The following EP300 variants were observed in gnomAD, a reference collection of about 807,000 sequenced individuals.
The protein encoded by EP300 is histone acetyltransferase p300.
A neutral mutation model predicts 264.0 loss-of-function variants in EP300; 31 were observed. That is an observed-to-expected ratio of 0.12 (90% CI 0.09 to 0.16). EP300 has a LOEUF of 0.16. EP300 is among the 10% of genes least tolerant of loss of function. EP300 has a pLI of 1.00. For missense variants in EP300, 2,766 were observed against 3,052.9 expected (o/e 0.91, Z 2.21); for synonymous variants, 1,340 against 1,045.4 (o/e 1.28, Z -5.44).
At chr22:41,140,960 A>G in intron 9 of EP300, 88 bp from the exon 10 acceptor site, 1 of 1,251,108 alleles carries the variant, frequency 8.0e-7, no homozygotes, top group East Asian at 2.5e-5. Context: ...AAATGAAACT[A>G]ATATCTATTC....
chr22:41,156,384 C>T (rs541468920), intron 17 of EP300, among the ~76,000 whole-genome samples: 1 of 152,096 alleles, frequency 6.6e-6, no homozygotes, highest in African/African-American at 2.4e-5. Context: ...TTTAAAGTTG[C>T]CTCCATATAC....
At position 41,179,877 on chromosome 22, in the gene EP300, CACTCACACACACACA is replaced by C. The variant is rs1308460431; in HGVS notation, c.*922_*936del. 8 of 145,794 alleles carry C rather than the reference CACTCACACACACACA, an allele frequency of 5.5e-5. No homozygotes were observed. The highest frequency in any genetic ancestry group is 1.9e-4 in the East Asian group (2 of 10,732). 9.0% of individuals were successfully genotyped at this position (145,794 alleles called of 1,614,324 possible). A position where few individuals can be genotyped will look rare whatever the true frequency, so the allele number is the denominator to read the frequency against. On this transcript the variant is annotated 3_prime_UTR_variant, in exon 31 of 31. Coordinates refer to ENST00000263253, the MANE Select transcript of EP300 (RefSeq NM_001429.4). Reference sequence around the variant, plus strand: ...CTTTCTTCCTCCTTACCCTACCCCCCACTCACACACACACACACACACACACACACACACACACAC... The same window carrying C: ...CTTTCTTCCTCCTTACCCTACCCCCCCACACACACACACACACACACACAC...
At chr22:41,109,627 A>G (rs1474580837) in intron 1 of EP300, among the ~76,000 whole-genome samples, 1 of 152,188 alleles carries the variant, frequency 6.6e-6, no homozygotes, top group East Asian at 1.9e-4. Flanking sequence ...TAAACACTTT[A>G]CATTTATTCA....
chr22:41,130,173 T>C, intron 5 of EP300, among the ~76,000 whole-genome samples, 170 bp downstream of exon 5: 1 of 151,720 alleles, frequency 6.6e-6, no homozygotes, highest in East Asian at 1.9e-4. Flanking sequence ...ATTGAACTGC[T>C]TAGGGAGTTT....
rs763211430 is a variant in EP300 at position 41,150,094 on chromosome 22, C to A, written c.2713C>A (p.Pro905Thr). The A allele has an allele frequency of 1.8e-5, 29 of 1,613,488 alleles. No homozygotes were observed. Among genetic ancestry groups the A allele is most frequent in the Non-Finnish European group, 2.2e-5 (26 of 1,180,034 alleles). Residue 905 changes from proline to threonine, a missense_variant, in exon 14 of 31, where the codon CCT becomes ACT. By Grantham distance (38) the Pro-to-Thr change is conservative. Coordinates refer to ENST00000263253, the MANE Select transcript of EP300 (RefSeq NM_001429.4). ...QQVQPSLPAA[P>T]SADQPQQQPR... The stretch of plus-strand genomic sequence containing the variant: ...AGTGCAGCCTTCACTTCCTGCTGCA[C>A]CTTCTGCTGACCAGCCCCAGCAGCA...
intron 3 of EP300, 51 bp from the exon 4 acceptor site, chr22:41,127,436 G>A: frequency 3.1e-6 from 5 of 1,607,438 alleles, no homozygotes; most frequent in Non-Finnish European, 3.4e-6. Flanking sequence ...TATTTATTAA[G>A]AAATAGCACA....
At chr22:41,146,589 TTC>T in intron 10 of EP300, 148 bp from the exon 11 acceptor site, 1 of 705,894 alleles carries the variant, frequency 1.4e-6, no homozygotes, top group South Asian at 1.7e-5. Flanking sequence ...TTCTTCAAGC[TTC>T]TGTCTAGTTC....
Position 41,177,430 on chromosome 22 carries a change from C to T in EP300, c.5719C>T (p.Pro1907Ser), listed in dbSNP as rs1034013330. The change falls in exon 31 of 31, where the codon CCT becomes TCT. Residue 1907 changes from proline to serine, a missense_variant. Transcript: ENST00000263253. Reference protein sequence around the residue: ...SQGKAAGQVTPPTPPQTAQPP... With the variant: ...SQGKAAGQVTSPTPPQTAQPP... ...GGGTAAGGCAGCAGGCCAGGTGACC[C>T]CTCCAACCCCTCCTCAGACTGCTCA... 6 of 1,614,072 alleles carry T rather than the reference C, an allele frequency of 3.7e-6. No individual in the cohort carries two copies. The highest frequency in any genetic ancestry group is 1.7e-5 in the Admixed American group (1 of 60,004).
In EP300 at chr22:41,146,807, C is replaced by A. The variant is rs992638094; in HGVS notation, c.2122C>A (p.Pro708Thr). 4.3e-6 allele frequency: 7 copies of A among 1,614,002 alleles called. No homozygotes were observed. The highest frequency in any genetic ancestry group is 5.1e-6 in the Non-Finnish European group (6 of 1,179,958). ...AAACCAGATGATGCCTCGAATAACT[C>A]CACAATCTGGTAAATAGTGAAAAAA... is the stretch of plus-strand genomic sequence containing the variant. ...VPNQMMPRIT[P>T]QSGLNQFGQM... is the part of the protein sequence containing the mutation. The change falls in exon 11 of 31, where the codon CCA becomes ACA. Residue 708 changes from proline to threonine, a missense_variant. Pro to Thr is a conservative substitution (Grantham distance 38). Transcript: ENST00000263253.
intron 17 of EP300, 90 bp downstream of exon 17, chr22:41,155,203 T>A: frequency 1.0e-6 from 1 of 1,002,064 alleles, no homozygotes; most frequent in Non-Finnish European, 1.6e-6. Context: ...GTATAGCCAC[T>A]CATTTCAAAT....
chr22:41,135,401 C>T (rs765100774), intron 6 of EP300, among the ~76,000 whole-genome samples: 3 of 152,084 alleles, frequency 2.0e-5, no homozygotes, highest in African/African-American at 4.8e-5. Flanking sequence ...TATATATGCA[C>T]AATTATTTGA....
chr22:41,168,659 C>T (rs2059153619), intron 24 of EP300, 60 bp downstream of exon 24: 2 of 1,614,182 alleles, frequency 1.2e-6, no homozygotes, highest in Non-Finnish European at 1.7e-6. Flanking sequence ...TACATGGTTA[C>T]TATTGGTGAT....
rs757344870 is a variant in EP300, at chr22:41,150,101, C to G, written c.2720C>G (p.Ala907Gly). ...VQPSLPAAPS[A>G]DQPQQQPRSQ... ...CCTTCACTTCCTGCTGCACCTTCTGCTGACCAGCCCCAGCAGCAGCCTCGC... is the reference window on the plus strand; with the variant it reads ...CCTTCACTTCCTGCTGCACCTTCTGGTGACCAGCCCCAGCAGCAGCCTCGC... Residue 907 changes from alanine (A) to glycine (G), a missense_variant, in exon 14 of 31, where the codon GCT becomes GGT. Physicochemically the swap from Ala to Gly is moderately conservative, Grantham distance 60. Transcript: ENST00000263253. 5.0e-6 allele frequency: 8 copies of G among 1,613,340 alleles called. No homozygotes were observed. The East Asian group carries it at 1.8e-4, about 36-fold the overall frequency.
chr22:41,152,307 A>G lies in EP300; in HGVS notation c.3099A>G (p.Ser1033=), dbSNP rs1236538317. The change falls in exon 16 of 31, where the codon TCA becomes TCG. Residue 1033 remains serine (S), a synonymous_variant. Coordinates refer to ENST00000263253, the MANE Select transcript of EP300 (RefSeq NM_001429.4). ...IKEEEDQPST[S]ATQSSPAPGQ... is the part of the protein sequence containing the mutation. ...AGGAGGAAGACCAGCCAAGTACTTC[A>G]GCTACCCAGTCATCTCCGGCTCCAG... is the stretch of plus-strand genomic sequence containing the variant. The G allele has an allele frequency of 6.2e-7, 1 of 1,614,176 alleles. No homozygotes were observed. Among genetic ancestry groups the G allele is most frequent in the Admixed American group, 1.7e-5 (1 of 60,022 alleles).
chr22:41,149,200 A>G, intron 13 of EP300, 25 bp downstream of exon 13: 1 of 1,613,990 alleles, frequency 6.2e-7, no homozygotes, highest in Non-Finnish European at 8.5e-7. Flanking sequence ...TGGATTTTTC[A>G]CTTATTTTTG....
intron 1 of EP300, among the ~76,000 whole-genome samples, chr22:41,097,839 C>T (rs1321818907): frequency 1.3e-5 from 2 of 151,534 alleles, no homozygotes; most frequent in African/African-American, 2.4e-5. Flanking sequence ...GGACTACAGG[C>T]GCCTGCCACC....
At chr22:41,131,083 G>A (rs2058916320) in intron 5 of EP300, among the ~76,000 whole-genome samples, 1 of 152,190 alleles carries the variant, frequency 6.6e-6, no homozygotes, top group Admixed American at 6.5e-5. Flanking sequence ...CAGAAATGAT[G>A]CTGCCGGGTG....
At chr22:41,120,973 AGACAG>A (rs922485105) in intron 2 of EP300, among the ~76,000 whole-genome samples, 8 of 152,194 alleles carry the variant, frequency 5.3e-5, no homozygotes, top group Admixed American at 4.6e-4. Flanking sequence ...CTCAGATTAC[AGACAG>A]GGGCCACTAA....
chr22:41,132,286 CTTTT>C (rs532779902), intron 6 of EP300, among the ~76,000 whole-genome samples: 6 of 56,774 alleles, frequency 1.1e-4, no homozygotes, highest in Admixed American at 5.9e-4. Context: ...TTCTTTCATT[CTTTT>C]TTTTTTTTTT....
Sources: gnomAD v4.1 joint callset for allele counts (sites outside exome capture counted in the v4.1 genomes callset) on GRCh38, gnomAD v4.1.1 for gene constraint, MANE v1.5 for transcripts, NCBI Gene and HGNC (gene_info 2026-07-23, HGNC 2026-07-21) for gene names.